The following HERPUD1 variants were observed in gnomAD, a reference collection of about 807,000 sequenced individuals.
HERPUD1 encodes the protein homocysteine-responsive endoplasmic reticulum-resident ubiquitin-like domain member 1 protein.
HERPUD1 carries 17 observed loss-of-function variants against 45.0 expected under a neutral mutation model. The ratio of observed to expected loss-of-function variants is 0.38; its 90% CI spans 0.26 to 0.57. HERPUD1 has a LOEUF of 0.57. Ranked by LOEUF, HERPUD1 falls within the 20% of genes least tolerant of loss-of-function variation. The pLI is 0.72. For missense variants in HERPUD1, 420 were observed against 490.5 expected, an observed-to-expected ratio of 0.86 and a Z score of 1.36; for synonymous variants, 164 against 177.5, an observed-to-expected ratio of 0.92 and a Z score of 0.61.
At chr16:56,937,697 A>C (rs763630858) in intron 4 of HERPUD1, among the ~76,000 whole-genome samples, 11 of 150,970 alleles carry the variant, frequency 7.3e-5, no homozygotes, top group East Asian at 5.8e-4. Context: ...GTATATAACT[A>C]TGAAAACCTT....
chr16:56,933,391 A>G, intron 1 of HERPUD1: 1 of 454,046 alleles, frequency 2.2e-6, no homozygotes, highest in South Asian at 1.6e-5. Context: ...GTCCTCTAGA[A>G]TTCACCCTGG....
At chr16:56,933,334 T>C (rs973542859) in intron 1 of HERPUD1, 7 of 455,930 alleles carry the variant, frequency 1.5e-5, no homozygotes, top group Non-Finnish European at 3.1e-5. Context: ...TCCTTCTGAG[T>C]TGTTATTTTG....
intron 4 of HERPUD1, among the ~76,000 whole-genome samples, chr16:56,938,434 G>A (rs555699581): frequency 1.3e-5 from 2 of 152,206 alleles, no homozygotes; most frequent in South Asian, 2.1e-4. Context: ...GTGGTGGCGT[G>A]TGCCCGTAGT....
At chr16:56,938,974 T>G (rs2055887696) in intron 4 of HERPUD1, among the ~76,000 whole-genome samples, 1 of 152,072 alleles carries the variant, frequency 6.6e-6, no homozygotes, top group Admixed American at 6.6e-5. Flanking sequence ...AAAAAGGTTG[T>G]TTATATATCT....
chr16:56,936,854 T>C (rs2144819351), intron 4 of HERPUD1, 37 bp downstream of exon 4: 1 of 1,604,934 alleles, frequency 6.2e-7, no homozygotes, highest in East Asian at 2.2e-5. Context: ...TTATGCAACA[T>C]GAATGTTCCT....
chr16:56,935,062 A>C (rs2144816665), intron 1 of HERPUD1, 173 bp from the exon 2 acceptor site: 1 of 594,438 alleles, frequency 1.7e-6, no homozygotes, highest in East Asian at 2.8e-5. Flanking sequence ...AGTTAAAGTT[A>C]AGACACTTTC....
At position 56,936,721 on chromosome 16, in the gene HERPUD1, A is replaced by G. The variant is rs1332450456; in HGVS notation, c.335A>G (p.Asn112Ser). Residue 112 changes from asparagine (N) to serine (S), a missense_variant, in exon 4 of 8, where the codon AAT becomes AGT. Physicochemically the swap from Asn to Ser is conservative, Grantham distance 46 (BLOSUM62 1). Coordinates refer to ENST00000439977, the MANE Select transcript of HERPUD1 (RefSeq NM_014685.4). ...AESTEEPAGS[N>S]RGQYPEDSSS... ...TCCACAGAGGAGCCTGCTGGTTCTA[A>G]TCGGGGACAGTATCCTGAGGATTCC... 6.2e-7 allele frequency: 1 copy of G among 1,613,956 alleles called. No homozygotes were observed. Among genetic ancestry groups the G allele is most frequent in the East Asian group, 2.2e-5 (1 of 44,864 alleles).
chr16:56,936,866 G>T (rs774317221), intron 4 of HERPUD1, 49 bp downstream of exon 4: 1 of 1,592,620 alleles, frequency 6.3e-7, no homozygotes, highest in East Asian at 2.2e-5. Context: ...AATGTTCCTC[G>T]TTTGCATCAA....
intron 6 of HERPUD1, 24 bp downstream of exon 6, chr16:56,940,269 TA>T: frequency 2.7e-6 from 4 of 1,497,320 alleles, no homozygotes; most frequent in Non-Finnish European, 2.8e-6. Context: ...TTCTCTAATA[TA>T]AATTACACTA....
In HERPUD1 at chr16:56,940,244, C is replaced by T. The variant is rs2055899373; in HGVS notation, c.904C>T (p.Leu302=). The T allele has an allele frequency of 6.3e-7, 1 of 1,593,496 alleles. No individual in the cohort carries two copies. Among genetic ancestry groups the T allele is most frequent in the Non-Finnish European group, 8.6e-7 (1 of 1,162,566 alleles). ...CATGGGGGCCACCGTTGTTATGTAC[C>T]TGTAAGCAGATGGTTTCTCTAATAT... ...MVMGATVVMY[L]HHVGWFPFRP... is the part of the protein sequence containing the mutation. The change falls in exon 6 of 8, where the codon CTG becomes TTG. Residue 302 remains leucine (L), a splice_region_variant and synonymous_variant. Coordinates refer to ENST00000439977, the MANE Select transcript of HERPUD1 (RefSeq NM_014685.4).
chr16:56,941,718 T>A (rs2055911126), intron 6 of HERPUD1: 1 of 152,826 alleles, frequency 6.5e-6, no homozygotes, highest in South Asian at 2.1e-4. Context: ...AAATAAAACG[T>A]TTAGTTAATA....
intron 4 of HERPUD1, among the ~76,000 whole-genome samples, chr16:56,937,625 T>TA (rs1326872072): frequency 1.5e-5 from 2 of 137,658 alleles, no homozygotes; most frequent in Middle Eastern, 4.0e-3. Context: ...CCCTTTTTTT[T>TA]AAAAAAAGAG....
chr16:56,938,289 C>T (rs190982709), intron 4 of HERPUD1, among the ~76,000 whole-genome samples: 37 of 152,064 alleles, frequency 2.4e-4, no homozygotes, highest in South Asian at 8.3e-4. Context: ...TTTGGCCGGG[C>T]GCGGTGGCTC....
At chr16:56,937,044 A>T in intron 4 of HERPUD1, 1 of 325,930 alleles carries the variant, frequency 3.1e-6, no homozygotes, top group Non-Finnish European at 5.6e-6. Flanking sequence ...TATATTGAAA[A>T]AAAAAAGAAA....
At chr16:56,937,041 A>T in intron 4 of HERPUD1, 1 of 273,872 alleles carries the variant, frequency 3.7e-6, no homozygotes, top group Non-Finnish European at 6.7e-6. Context: ...GCATATATTG[A>T]AAAAAAAAAG....
At position 56,932,167 on chromosome 16, in the gene HERPUD1, C is replaced by A. The variant is rs571539038; in HGVS notation, c.-78C>A. The A allele has an allele frequency of 1.3e-6, 2 of 1,563,298 alleles. No individual in the cohort carries two copies. The highest frequency in any genetic ancestry group is 4.7e-5 in the East Asian group (2 of 42,892). ...GCCCCAGAGACGTGAACTGTCGTTG[C>A]AGAGATTGCGGGCGGCTGAGACGCC... On this transcript the variant is annotated 5_prime_UTR_variant, in exon 1 of 8. Transcript: ENST00000439977.
intron 4 of HERPUD1, chr16:56,939,029 G>A: frequency 1.7e-6 from 1 of 591,566 alleles, no homozygotes. Context: ...TTTCCTGTGG[G>A]ATGGGACTGT....
rs1478637534 is a variant in HERPUD1 at position 56,938,998 on chromosome 16, GC to G, written c.432-238del. 5 of 557,388 alleles carry G rather than the reference GC, an allele frequency of 9.0e-6. No homozygotes were observed. In the African/African-American group the frequency reaches 9.4e-5, roughly 11 times the overall value. 34.5% of individuals were successfully genotyped at this position (557,388 alleles called of 1,614,324 possible). Reference sequence around the variant, plus strand: ...GTTTATATATCTGTGCACTCAGCAAGCAGGTGGCAAGGGCTGTTGTTTTCCT... The same window carrying G: ...GTTTATATATCTGTGCACTCAGCAAGAGGTGGCAAGGGCTGTTGTTTTCCT... On this transcript the variant is annotated intron_variant, in intron 4 of 7. Transcript: ENST00000439977.
chr16:56,939,805 C>A, intron 5 of HERPUD1, 90 bp from the exon 6 acceptor site: 2 of 979,950 alleles, frequency 2.0e-6, no homozygotes, highest in South Asian at 1.6e-5. Flanking sequence ...ACTTGAAATT[C>A]TTAACAGTAA....
Sources: gnomAD v4.1 joint callset for allele counts (sites outside exome capture counted in the v4.1 genomes callset) on GRCh38, gnomAD v4.1.1 for gene constraint, MANE v1.5 for transcripts, NCBI Gene and HGNC (gene_info 2026-07-23, HGNC 2026-07-21) for gene names.